Variants in NAV3 observed in about 807,000 individuals in gnomAD.
NAV3 encodes neuron navigator 3.
Under a neutral mutation model 244.7 loss-of-function variants are expected in NAV3, and 87 were observed. The ratio of observed to expected loss-of-function variants is 0.36; its 90% CI spans 0.30 to 0.42. The LOEUF (loss-of-function observed/expected upper bound fraction) is 0.42. Among genes scored for constraint, NAV3 ranks in the 20% least tolerant of loss-of-function variants. NAV3 has a pLI of 1.00. For synonymous variants in NAV3, 1,126 were observed against 1,042.2 expected (o/e 1.08, Z -1.55); for missense variants, 2,663 against 2,893.3 (o/e 0.92, Z 1.83).
chr12:77,722,948 A>T (rs1229770572), intron 2 of NAV3, among the ~76,000 whole-genome samples: 1 of 152,064 alleles, frequency 6.6e-6, no homozygotes, highest in Non-Finnish European at 1.5e-5. Context: ...GGCTCAGGTG[A>T]ATGTTTACAG....
intron 38 of NAV3, 84 bp downstream of exon 38, chr12:78,200,675 G>C (rs1258565472): frequency 1.4e-6 from 1 of 706,428 alleles, no homozygotes; most frequent in African/African-American, 1.8e-5. Flanking sequence ...AAAATATCTG[G>C]GTATTTATGC....
chr12:78,059,321 G>C (rs1401140937), intron 12 of NAV3, among the ~76,000 whole-genome samples: 1 of 151,710 alleles, frequency 6.6e-6, no homozygotes, highest in Non-Finnish European at 1.5e-5. Flanking sequence ...ACAGAGTCTT[G>C]CTCTGTCACC....
At chr12:78,169,373 T>C (rs438669) in intron 24 of NAV3, among the ~76,000 whole-genome samples, 6,898 of 151,754 alleles carry the variant, frequency 0.045, 190 homozygotes, top group Non-Finnish European at 0.071. Flanking sequence ...AAACAACGGG[T>C]GAAAGGTAGC....
chr12:77,841,597 A>G (rs1261621517), intron 1 of NAV3, among the ~76,000 whole-genome samples: 1 of 152,194 alleles, frequency 6.6e-6, no homozygotes, highest in Non-Finnish European at 1.5e-5. Context: ...CCAGTTTCCT[A>G]AAGTCAAATC....
chr12:78,196,149 T>C (rs1304034626), intron 34 of NAV3, among the ~76,000 whole-genome samples: 3 of 152,086 alleles, frequency 2.0e-5, no homozygotes, highest in Non-Finnish European at 4.4e-5. Context: ...CTCCAGAATA[T>C]TCAACAGTTT....
intron 2 of NAV3, among the ~76,000 whole-genome samples, chr12:77,695,623 A>G (rs1875260421): frequency 6.6e-6 from 1 of 152,158 alleles, no homozygotes. Context: ...GGTACAAAAT[A>G]CGATGAATAA....
intron 30 of NAV3, among the ~76,000 whole-genome samples, chr12:78,181,472 A>G (rs889477171): frequency 2.0e-5 from 3 of 152,108 alleles, no homozygotes; most frequent in Non-Finnish European, 2.9e-5. Flanking sequence ...TGAGAAAACA[A>G]TAATGCTACT....
intron 2 of NAV3, among the ~76,000 whole-genome samples, chr12:77,624,187 T>A (rs1488153377): frequency 6.6e-6 from 1 of 152,018 alleles, no homozygotes; most frequent in African/African-American, 2.4e-5. Context: ...TTTTGAAAAG[T>A]AGAAATGAAA....
chr12:77,994,944 C>CA, intron 6 of NAV3, 73 bp downstream of exon 6: 3 of 946,434 alleles, frequency 3.2e-6, no homozygotes, highest in African/African-American at 1.7e-5. Flanking sequence ...TTTGTCCTAT[C>CA]TTTTTTTTTT....
intron 2 of NAV3, among the ~76,000 whole-genome samples, chr12:77,770,955 C>G (rs1328301834): frequency 6.6e-6 from 1 of 152,040 alleles, no homozygotes; most frequent in Non-Finnish European, 1.5e-5. Flanking sequence ...GCAAAAGAAA[C>G]TACCATCAGC....
intron 16 of NAV3, among the ~76,000 whole-genome samples, chr12:78,126,170 T>G (rs1004234756): frequency 3.9e-5 from 6 of 152,226 alleles, no homozygotes; most frequent in Admixed American, 3.9e-4. Flanking sequence ...ATAAAGCCTT[T>G]GGATGCTTTT....
At chr12:78,172,459 A>G (rs1347664101) in intron 24 of NAV3, among the ~76,000 whole-genome samples, 1 of 151,620 alleles carries the variant, frequency 6.6e-6, no homozygotes, top group Non-Finnish European at 1.5e-5. Flanking sequence ...GTCTAGTGGG[A>G]GAGCAGAAGG....
chr12:77,923,568 C>T (rs1190004704), intron 1 of NAV3, among the ~76,000 whole-genome samples: 1 of 152,128 alleles, frequency 6.6e-6, no homozygotes, highest in African/African-American at 2.4e-5. Flanking sequence ...GTAACATCTA[C>T]TGTATATACC....
intron 23 of NAV3, among the ~76,000 whole-genome samples, chr12:78,164,029 G>T (rs449108): frequency 0.047 from 7,191 of 152,044 alleles, 198 homozygotes; most frequent in Non-Finnish European, 0.072. Context: ...TCTCACAGAA[G>T]GCCAGTTGAG....
intron 25 of NAV3, among the ~76,000 whole-genome samples, 194 bp from the exon 26 acceptor site, chr12:78,176,245 T>C (rs1958221826): frequency 6.6e-6 from 1 of 151,204 alleles, no homozygotes; most frequent in African/African-American, 2.4e-5. Flanking sequence ...AAAAAAAATG[T>C]AGATTTTGAG....
At chr12:77,697,210 C>T (rs1017853109) in intron 2 of NAV3, among the ~76,000 whole-genome samples, 4 of 152,124 alleles carry the variant, frequency 2.6e-5, no homozygotes, top group African/African-American at 7.2e-5. Context: ...ATTTCTCTCC[C>T]AGCCCTACCT....
intron 12 of NAV3, among the ~76,000 whole-genome samples, chr12:78,080,578 T>A (rs1953295770): frequency 6.6e-6 from 1 of 152,174 alleles, no homozygotes. Context: ...GATTATGACT[T>A]TTAGACTTTA....
intron 9 of NAV3, among the ~76,000 whole-genome samples, chr12:78,028,225 T>C (rs982667878): frequency 8.5e-5 from 13 of 152,178 alleles, no homozygotes; most frequent in Non-Finnish European, 1.5e-5. Flanking sequence ...TGTCACGGTG[T>C]ACACATGCCA....
At chr12:78,060,777 G>T (rs908160569) in intron 12 of NAV3, among the ~76,000 whole-genome samples, 6 of 152,038 alleles carry the variant, frequency 3.9e-5, no homozygotes, top group Non-Finnish European at 4.4e-5. Flanking sequence ...CCAAAGTGTG[G>T]GCCACATTTT....
Sources: allele counts gnomAD v4.1 joint callset (sites outside exome capture counted in the v4.1 genomes callset), GRCh38; gene constraint gnomAD v4.1.1; transcripts MANE v1.5; gene names NCBI Gene and HGNC (gene_info 2026-07-23, HGNC 2026-07-21).